Variants in CADM1 observed in about 807,000 individuals in gnomAD.
CADM1 encodes the protein cell adhesion molecule 1.
In CADM1, 15 loss-of-function variants were observed where a neutral mutation model predicts 53.1. That is an observed-to-expected ratio of 0.28 (90% CI 0.19 to 0.44). The LOEUF is 0.44. Among genes scored for constraint, CADM1 ranks in the 20% least tolerant of loss-of-function variants. The probability of loss-of-function intolerance (pLI) is 1.00; values close to 1 mark genes in which losing one functional copy is unlikely to be tolerated. For missense variants in CADM1, 434 were observed against 611.3 expected (o/e 0.71, Z 3.06); for synonymous variants, 281 against 243.0 (o/e 1.16, Z -1.45).
intron 1 of CADM1, among the ~76,000 whole-genome samples, chr11:115,380,498 G>A (rs1174299833): frequency 1.3e-5 from 2 of 152,092 alleles, no homozygotes; most frequent in East Asian, 3.9e-4. Context: ...GTGATTTAAG[G>A]GGAAATAGAA....
rs562507283 is a variant in CADM1, at chr11:115,238,837, AGTGT to A, written c.272-189_272-186del. Reference sequence around the variant, plus strand: ...ACTTACACATATCAGTGTATGTGTGAGTGTGTGTGTATGTGTGCGTGTGCATATA... The same window carrying A: ...ACTTACACATATCAGTGTATGTGTGAGTGTGTATGTGTGCGTGTGCATATA... On this transcript the variant is annotated intron_variant, in intron 2 of 11. Coordinates refer to ENST00000331581, the MANE Select transcript of CADM1 (RefSeq NM_001301043.2). Among the ~76,000 whole-genome samples the A allele has an allele frequency of 5.7e-3, 867 of 152,058 alleles. 5 individuals carry two copies. Among genetic ancestry groups the A allele is most frequent in the Non-Finnish European group, 0.01 (683 of 67,954 alleles).
chr11:115,387,435 A>C (rs1370209289), intron 1 of CADM1, among the ~76,000 whole-genome samples: 2 of 152,198 alleles, frequency 1.3e-5, no homozygotes, highest in Admixed American at 1.3e-4. Flanking sequence ...ATTGTACTTC[A>C]AATTAAAAAC....
intron 1 of CADM1, among the ~76,000 whole-genome samples, chr11:115,404,184 G>A (rs1007802259): frequency 2.7e-4 from 40 of 149,396 alleles, no homozygotes; most frequent in African/African-American, 9.6e-4. Flanking sequence ...AAATTAGCTG[G>A]GTGTGGTGAT....
chr11:115,375,466 A>G (rs1389073814), intron 1 of CADM1, among the ~76,000 whole-genome samples: 2 of 152,302 alleles, frequency 1.3e-5, no homozygotes, highest in African/African-American at 2.4e-5. Context: ...TGAGCTGCAC[A>G]TTTACACTAT....
chr11:115,212,830 G>T (rs1047862254), intron 7 of CADM1, among the ~76,000 whole-genome samples: 1 of 152,152 alleles, frequency 6.6e-6, no homozygotes, highest in African/African-American at 2.4e-5. Context: ...CTGCCTCCTG[G>T]TGTTATTGTG....
chr11:115,204,106 T>C (rs1000728100), intron 8 of CADM1, among the ~76,000 whole-genome samples: 4 of 152,202 alleles, frequency 2.6e-5, no homozygotes, highest in South Asian at 2.1e-4. Context: ...GGCAATTTAG[T>C]AAACATTCTA....
intron 1 of CADM1, among the ~76,000 whole-genome samples, chr11:115,439,730 G>A (rs556030765): frequency 6.6e-6 from 1 of 151,952 alleles, no homozygotes; most frequent in Admixed American, 6.6e-5. Context: ...GTGGTGTTTT[G>A]AGAGAGAGAA....
intron 5 of CADM1, among the ~76,000 whole-genome samples, chr11:115,223,696 A>C (rs1443441292): frequency 6.6e-6 from 1 of 152,122 alleles, no homozygotes; most frequent in African/African-American, 2.4e-5. Flanking sequence ...AATACTGGTT[A>C]CTCAGCCTCT....
At chr11:115,177,242 T>C (rs930033477) in intron 11 of CADM1, among the ~76,000 whole-genome samples, 3 of 152,206 alleles carry the variant, frequency 2.0e-5, no homozygotes, top group African/African-American at 7.2e-5. Flanking sequence ...AGTAGGTCTC[T>C]CTCATCGTAT....
chr11:115,499,905 G>A (rs1831269570), intron 1 of CADM1, among the ~76,000 whole-genome samples: 1 of 151,978 alleles, frequency 6.6e-6, no homozygotes, highest in African/African-American at 2.4e-5. Flanking sequence ...ATTGTATGTG[G>A]GCAAGTTTTT....
At chr11:115,324,239 T>C (rs1010480548) in intron 1 of CADM1, among the ~76,000 whole-genome samples, 2 of 150,588 alleles carry the variant, frequency 1.3e-5, no homozygotes, top group Non-Finnish European at 2.9e-5. Flanking sequence ...AGTAATCACA[T>C]GTCTTCCTTT....
At chr11:115,467,502 C>T (rs1376222987) in intron 1 of CADM1, among the ~76,000 whole-genome samples, 1 of 152,184 alleles carries the variant, frequency 6.6e-6, no homozygotes, top group Non-Finnish European at 1.5e-5. Context: ...GCTCATGGGG[C>T]CACCCAACTA....
intron 1 of CADM1, among the ~76,000 whole-genome samples, chr11:115,250,308 A>G (rs536118320): frequency 6.6e-6 from 1 of 152,312 alleles, no homozygotes; most frequent in East Asian, 1.9e-4. Flanking sequence ...TATATATCCT[A>G]ATTTTAAGTA....
At chr11:115,479,943 T>C (rs898829014) in intron 1 of CADM1, among the ~76,000 whole-genome samples, 15 of 152,204 alleles carry the variant, frequency 9.9e-5, no homozygotes, top group African/African-American at 3.4e-4. Context: ...AGGAGAGATA[T>C]GGAAATTCTT....
chr11:115,433,675 C>T (rs1371816151), intron 1 of CADM1, among the ~76,000 whole-genome samples: 1 of 152,196 alleles, frequency 6.6e-6, no homozygotes, highest in African/African-American at 2.4e-5. Context: ...TAAGGTATCA[C>T]TTCAAATATA....
At chr11:115,202,119 A>G (rs540749491) in intron 8 of CADM1, among the ~76,000 whole-genome samples, 1 of 152,248 alleles carries the variant, frequency 6.6e-6, no homozygotes, top group East Asian at 1.9e-4. Context: ...TTGTGGCAGT[A>G]TATTTACAAA....
chr11:115,497,056 C>T (rs1234349581), intron 1 of CADM1, among the ~76,000 whole-genome samples: 1 of 152,144 alleles, frequency 6.6e-6, no homozygotes. Context: ...TAACTCAATT[C>T]CAACTAGACA....
At position 115,240,352 on chromosome 11, in the gene CADM1, G is replaced by T. The variant is rs1942184425; in HGVS notation, c.193C>A (p.Gln65Lys). 1.2e-6 allele frequency: 2 copies of T among 1,613,606 alleles called. No homozygotes were observed. Among genetic ancestry groups the T allele is most frequent in the Non-Finnish European group, 1.7e-6 (2 of 1,179,780 alleles). The change falls in exon 2 of 12, where the codon CAA (glutamine) becomes AAA (lysine). Residue 65 changes from glutamine (Q) to lysine (K), a missense_variant. Physicochemically the swap from Gln to Lys is moderately conservative, Grantham distance 53 (BLOSUM62 1). Coordinates refer to ENST00000331581, the MANE Select transcript of CADM1 (RefSeq NM_001301043.2). Reference sequence around the variant, plus strand: ...ACAGAGTCGTCACTCTTATTGACTTGGCAACTGATGGTCGCAACCTCTCCC... The same window carrying T: ...ACAGAGTCGTCACTCTTATTGACTTTGCAACTGATGGTCGCAACCTCTCCC... ...IEGEVATISC[Q>K]VNKSDDSVIQ... is the part of the protein sequence containing the mutation.
chr11:115,492,811 G>A (rs777304743), intron 1 of CADM1, among the ~76,000 whole-genome samples: 13 of 152,104 alleles, frequency 8.5e-5, no homozygotes, highest in Non-Finnish European at 1.6e-4. Flanking sequence ...ATGACATTGT[G>A]ATTTAAATGA....
Sources: allele counts gnomAD v4.1 joint callset (sites outside exome capture counted in the v4.1 genomes callset), GRCh38; gene constraint gnomAD v4.1.1; transcripts MANE v1.5; gene names NCBI Gene and HGNC (gene_info 2026-07-23, HGNC 2026-07-21).